Variants in ST8SIA5 observed in about 807,000 individuals in gnomAD.
ST8SIA5 encodes alpha-2,8-sialyltransferase 8E.
A neutral mutation model predicts 40.2 loss-of-function variants in ST8SIA5; 24 were observed. The observed-to-expected ratio is 0.60, with a 90% CI of 0.43 to 0.84. The LOEUF (loss-of-function observed/expected upper bound fraction) is 0.84. Ranked by LOEUF, ST8SIA5 falls within the 40% of genes least tolerant of loss-of-function variation. ST8SIA5 has a pLI of 0.00. For synonymous variants in ST8SIA5, 198 were observed against 201.8 expected (o/e 0.98, Z 0.16); for missense variants, 465 against 498.5 (o/e 0.93, Z 0.64).
intron 6 of ST8SIA5, among the ~76,000 whole-genome samples, chr18:46,680,845 C>T (rs565860274): frequency 5.3e-5 from 8 of 152,338 alleles, no homozygotes; most frequent in Admixed American, 4.6e-4. Context: ...GAGGCTTGCT[C>T]TAGAGGCCTC....
rs2039402478 is a variant in ST8SIA5 at position 46,682,052 on chromosome 18, G to C, written c.582C>G (p.Pro194=). Residue 194 remains proline, a synonymous_variant, in exon 6 of 7, where the codon CCC becomes CCG. Coordinates refer to ENST00000315087, the MANE Select transcript of ST8SIA5 (RefSeq NM_013305.6). ...CCATGGTGTACTTCTCTGAGATGGG[G>C]GGCAGGTTGCACCTGCAGAAGAGAA... ...SADFVFRCNL[P]PISEKYTMDV... 2 of 1,608,138 alleles carry C rather than the reference G, an allele frequency of 1.2e-6. No individual in the cohort carries two copies. Among genetic ancestry groups the C allele is most frequent in the African/African-American group, 2.7e-5 (2 of 74,692 alleles).
At chr18:46,702,511 G>A (rs745853294) in intron 2 of ST8SIA5, among the ~76,000 whole-genome samples, 2 of 152,124 alleles carry the variant, frequency 1.3e-5, no homozygotes, top group Non-Finnish European at 2.9e-5. Flanking sequence ...CAGCTTCCGT[G>A]TCTTCCCCGC....
At chr18:46,732,456 A>G (rs1263629141) in intron 1 of ST8SIA5, among the ~76,000 whole-genome samples, 1 of 152,202 alleles carries the variant, frequency 6.6e-6, no homozygotes, top group East Asian at 1.9e-4. Flanking sequence ...CAGTGACCTC[A>G]GCCTTCTGGC....
intron 1 of ST8SIA5, among the ~76,000 whole-genome samples, chr18:46,741,225 C>T (rs978182029): frequency 3.9e-5 from 6 of 152,012 alleles, no homozygotes; most frequent in Non-Finnish European, 5.9e-5. Context: ...TGAAATACAG[C>T]ATATTATAAA....
chr18:46,715,141 A>G (rs2039774223), intron 1 of ST8SIA5, among the ~76,000 whole-genome samples: 1 of 152,142 alleles, frequency 6.6e-6, no homozygotes, highest in South Asian at 2.1e-4. Context: ...TGCATCTCCA[A>G]ATCCTTCCCA....
chr18:46,747,348 T>A (rs1465156079), intron 1 of ST8SIA5, among the ~76,000 whole-genome samples: 4 of 152,158 alleles, frequency 2.6e-5, no homozygotes, highest in Admixed American at 6.5e-5. Flanking sequence ...ATCCAGAATC[T>A]ACAAAGAATT....
intron 1 of ST8SIA5, among the ~76,000 whole-genome samples, chr18:46,714,344 C>G (rs1941978): frequency 6.6e-6 from 1 of 152,200 alleles, no homozygotes; most frequent in East Asian, 1.9e-4. Context: ...TTCTTTCCTT[C>G]TTTCCCATTC....
At chr18:46,747,128 C>G (rs1048257213) in intron 1 of ST8SIA5, among the ~76,000 whole-genome samples, 19 of 152,150 alleles carry the variant, frequency 1.2e-4, no homozygotes, top group Admixed American at 1.0e-3. Context: ...TAGAAGAAAA[C>G]CTAGGCAATA....
rs372441557 is a variant in ST8SIA5, at chr18:46,670,068, C to CA, written c.*9973dup. 8,079 of 134,376 alleles carry CA rather than the reference C, an allele frequency of 0.06. 321 individuals carry two copies. Among genetic ancestry groups the CA allele is most frequent in the African/African-American group, 0.12 (4,301 of 36,896 alleles). 8.3% of individuals were successfully genotyped at this position (134,376 alleles called of 1,614,324 possible). On this transcript the variant is annotated 3_prime_UTR_variant, in exon 7 of 7. Transcript: ENST00000315087. ...TGGGTGACAGAGTGAGACTCCATCTCAAAAAAAAAAAAAGAGTGAGTTTAC... is the reference window on the plus strand; with the variant it reads ...TGGGTGACAGAGTGAGACTCCATCTCAAAAAAAAAAAAAAGAGTGAGTTTAC...
intron 1 of ST8SIA5, among the ~76,000 whole-genome samples, chr18:46,715,474 G>A (rs1490966064): frequency 6.6e-6 from 1 of 152,172 alleles, no homozygotes; most frequent in Non-Finnish European, 1.5e-5. Flanking sequence ...GATAGGGAAG[G>A]AGGAGATGAG....
At chr18:46,713,096 G>A (rs1412051068) in intron 1 of ST8SIA5, among the ~76,000 whole-genome samples, 2 of 152,154 alleles carry the variant, frequency 1.3e-5, no homozygotes, top group African/African-American at 2.4e-5. Context: ...ATGGGGACTC[G>A]GCAGAGGAAC....
chr18:46,749,376 T>C (rs1255789283), intron 1 of ST8SIA5, among the ~76,000 whole-genome samples: 2 of 152,154 alleles, frequency 1.3e-5, no homozygotes, highest in Non-Finnish European at 1.5e-5. Context: ...TCAATAAAGC[T>C]GTCAAAAAAA....
At chr18:46,754,496 T>G (rs149234521) in intron 1 of ST8SIA5, among the ~76,000 whole-genome samples, 1 of 152,342 alleles carries the variant, frequency 6.6e-6, no homozygotes, top group East Asian at 1.9e-4. Flanking sequence ...CATCATCTCC[T>G]TCTTTACAGA....
intron 3 of ST8SIA5, 84 bp downstream of exon 3, chr18:46,692,085 G>A: frequency 1.4e-6 from 2 of 1,429,564 alleles, no homozygotes; most frequent in Non-Finnish European, 2.0e-6. Context: ...TGAGAGCTGG[G>A]CCTTGCAGGA....
intron 1 of ST8SIA5, among the ~76,000 whole-genome samples, chr18:46,748,313 C>A (rs942361075): frequency 2.6e-5 from 4 of 151,936 alleles, no homozygotes; most frequent in African/African-American, 7.3e-5. Flanking sequence ...CCTGTAATCC[C>A]AGCACTTTGG....
intron 1 of ST8SIA5, among the ~76,000 whole-genome samples, chr18:46,740,571 C>T (rs751833550): frequency 2.7e-4 from 41 of 152,186 alleles, no homozygotes; most frequent in South Asian, 1.2e-3. Flanking sequence ...TCTCTCACCA[C>T]AATACCTTTG....
chr18:46,718,368 CTCATTAAATCAGT>C (rs2039815664), intron 1 of ST8SIA5, among the ~76,000 whole-genome samples: 2 of 151,444 alleles, frequency 1.3e-5, no homozygotes, highest in Non-Finnish European at 2.9e-5. Context: ...TTCCTATATG[CTCATTAAATCAGT>C]TCCCCTAAGG....
chr18:46,750,891 T>C (rs1194312561), intron 1 of ST8SIA5, among the ~76,000 whole-genome samples: 2 of 152,220 alleles, frequency 1.3e-5, no homozygotes, highest in East Asian at 3.8e-4. Context: ...GTTTTCTAAC[T>C]GAGGGTTTCA....
At chr18:46,719,700 TTCTTTCTC>T (rs1178724656) in intron 1 of ST8SIA5, among the ~76,000 whole-genome samples, 1 of 148,494 alleles carries the variant, frequency 6.7e-6, no homozygotes, top group African/African-American at 2.5e-5. Flanking sequence ...CTTTCTTTCT[TTCTTTCTC>T]TCTTTCTTTC....
Sources: gnomAD v4.1 joint callset for allele counts (sites outside exome capture counted in the v4.1 genomes callset) on GRCh38, gnomAD v4.1.1 for gene constraint, MANE v1.5 for transcripts, NCBI Gene and HGNC (gene_info 2026-07-23, HGNC 2026-07-21) for gene names.